The following EBF1 variants were observed in gnomAD, a reference collection of about 807,000 sequenced individuals.
EBF1 encodes the protein EBF transcription factor 1, also known as transcription factor COE1.
Under a neutral mutation model 68.4 loss-of-function variants are expected in EBF1, and 10 were observed. The observed-to-expected ratio is 0.15, with a 90% confidence interval of 0.09 to 0.25. EBF1 has a LOEUF of 0.25. Ranked by LOEUF, EBF1 falls within the 10% of genes least tolerant of loss-of-function variation. The pLI, the probability that EBF1 is intolerant of heterozygous loss-of-function variation, is 1.00. For synonymous variants in EBF1, 298 were observed against 299.8 expected (o/e 0.99, Z 0.06); for missense variants, 509 against 794.4 (o/e 0.64, Z 4.32).
Position 158,825,794 on chromosome 5 carries a change from T to TA in EBF1, c.637-2478dup, listed in dbSNP as rs1785972647. 2.0e-5 allele frequency among the ~76,000 whole-genome samples: 3 copies of TA among 152,180 alleles called. No homozygotes were observed. In the South Asian group the frequency reaches 6.2e-4, roughly 32 times the overall value. ...TAATTTCTAGAAAATAAGCAGCTAATACGTTCCTCAAAAACTCACAGCACA... is the reference window on the plus strand; with the variant it reads ...TAATTTCTAGAAAATAAGCAGCTAATAACGTTCCTCAAAAACTCACAGCACA... On this transcript the variant is annotated intron_variant, in intron 7 of 15. Coordinates refer to ENST00000313708, the MANE Select transcript of EBF1 (RefSeq NM_024007.5).
chr5:158,796,663 G>A (rs542066275), intron 8 of EBF1, among the ~76,000 whole-genome samples, 188 bp from the exon 9 acceptor site: 1 of 152,224 alleles, frequency 6.6e-6, no homozygotes, highest in African/African-American at 2.4e-5. Flanking sequence ...GTTTTTAAAA[G>A]CATTCTTTTC....
intron 6 of EBF1, among the ~76,000 whole-genome samples, chr5:158,859,844 C>T (rs539739271): frequency 2.0e-5 from 3 of 152,308 alleles, no homozygotes; most frequent in Non-Finnish European, 4.4e-5. Context: ...GATATCTCAT[C>T]GGTCACTTAT....
rs558125637 is a variant in EBF1, at chr5:159,095,564, A to C, written c.411+56T>G. 25 of 1,601,342 alleles carry C rather than the reference A, an allele frequency of 1.6e-5. No homozygotes were observed. In the South Asian group the frequency reaches 2.4e-4, roughly 16 times the overall value. On this transcript the variant is annotated intron_variant, in intron 4 of 15. Transcript: ENST00000313708. ...CTGCGGTGGAGCAACTAGCTTCTTG[A>C]CTGCCCTGAATTTTGTGACATAGAG...
chr5:158,975,761 G>T (rs1756609005), intron 6 of EBF1, among the ~76,000 whole-genome samples: 1 of 152,134 alleles, frequency 6.6e-6, no homozygotes. Context: ...AGCTGGAAGG[G>T]GCTCACATTG....
intron 6 of EBF1, among the ~76,000 whole-genome samples, chr5:158,859,836 T>C (rs568193993): frequency 6.6e-6 from 1 of 152,342 alleles, no homozygotes; most frequent in East Asian, 1.9e-4. Flanking sequence ...CTTTTGTTGA[T>C]ATCTCATCGG....
At chr5:158,747,878 C>G (rs1402721825) in intron 10 of EBF1, among the ~76,000 whole-genome samples, 3 of 152,132 alleles carry the variant, frequency 2.0e-5, no homozygotes, top group African/African-American at 7.2e-5. Flanking sequence ...GAGAAAGACC[C>G]TTAGGACGAT....
At chr5:158,760,395 T>C (rs1771150778) in intron 10 of EBF1, among the ~76,000 whole-genome samples, 1 of 152,094 alleles carries the variant, frequency 6.6e-6, no homozygotes, top group Admixed American at 6.6e-5. Context: ...ACCCATTATA[T>C]AAGATGAAGA....
chr5:158,790,152 A>C (rs1483056901), intron 9 of EBF1, among the ~76,000 whole-genome samples: 2 of 152,184 alleles, frequency 1.3e-5, no homozygotes, highest in African/African-American at 4.8e-5. Context: ...ATTGCTTCAC[A>C]CACGAGGAAA....
intron 6 of EBF1, among the ~76,000 whole-genome samples, chr5:158,947,969 G>T (rs1167131740): frequency 6.6e-6 from 1 of 152,144 alleles, no homozygotes; most frequent in Non-Finnish European, 1.5e-5. Flanking sequence ...CTCCAGCACT[G>T]CAACAGAAAA....
intron 10 of EBF1, among the ~76,000 whole-genome samples, chr5:158,755,945 G>T (rs1769980990): frequency 6.6e-6 from 1 of 152,144 alleles, no homozygotes; most frequent in Non-Finnish European, 1.5e-5. Context: ...TTGAAAAAAA[G>T]AAAGTGTGAA....
intron 4 of EBF1, among the ~76,000 whole-genome samples, chr5:159,089,803 AGAAAGAAAGAAG>A (rs1037090348): frequency 1.3e-5 from 2 of 151,916 alleles, no homozygotes; most frequent in Non-Finnish European, 2.9e-5. Flanking sequence ...AAAAGAAGAA[AGAAAGAAAGAAG>A]GAAAGAAAGA....
At chr5:158,890,444 G>A (rs896352848) in intron 6 of EBF1, among the ~76,000 whole-genome samples, 1 of 152,024 alleles carries the variant, frequency 6.6e-6, no homozygotes, top group South Asian at 2.1e-4. Context: ...ACTTCTCAAC[G>A]AGCTCCATTA....
intron 6 of EBF1, among the ~76,000 whole-genome samples, chr5:158,918,781 C>T (rs1268445219): frequency 6.6e-6 from 1 of 152,196 alleles, no homozygotes; most frequent in Non-Finnish European, 1.5e-5. Flanking sequence ...GAGCAGCATC[C>T]TGTGTGCTGG....
At chr5:158,875,808 A>C (rs978667776) in intron 6 of EBF1, among the ~76,000 whole-genome samples, 3 of 152,250 alleles carry the variant, frequency 2.0e-5, no homozygotes, top group African/African-American at 7.2e-5. Flanking sequence ...ATATACCCAG[A>C]TGATATCCAT....
At chr5:158,727,018 C>T (rs1385340535) in intron 11 of EBF1, among the ~76,000 whole-genome samples, 1 of 152,228 alleles carries the variant, frequency 6.6e-6, no homozygotes, top group African/African-American at 2.4e-5. Flanking sequence ...CACCTGACAA[C>T]AATGCCGTGA....
intron 6 of EBF1, among the ~76,000 whole-genome samples, chr5:158,939,754 C>CG (rs1812836186): frequency 3.2e-5 from 1 of 31,238 alleles, no homozygotes; most frequent in African/African-American, 1.6e-4. Context: ...GCTTTCCGGG[C>CG]GGGGGTGGGG....
intron 8 of EBF1, among the ~76,000 whole-genome samples, chr5:158,817,826 T>C (rs1012301141): frequency 3.3e-5 from 5 of 152,214 alleles, no homozygotes; most frequent in Non-Finnish European, 7.3e-5. Context: ...TGCATTATCC[T>C]ACTGCACCTA....
At chr5:159,024,718 A>G (rs569561796) in intron 6 of EBF1, among the ~76,000 whole-genome samples, 1 of 152,372 alleles carries the variant, frequency 6.6e-6, no homozygotes, top group Non-Finnish European at 1.5e-5. Context: ...TCCTTCTTTA[A>G]AAAATAAATA....
At chr5:159,035,075 T>A (rs1769755728) in intron 6 of EBF1, among the ~76,000 whole-genome samples, 1 of 152,010 alleles carries the variant, frequency 6.6e-6, no homozygotes, top group Admixed American at 6.6e-5. Flanking sequence ...TGTGGCCTAA[T>A]TACATTATTG....
Sources: allele counts gnomAD v4.1 joint callset (sites outside exome capture counted in the v4.1 genomes callset), GRCh38; gene constraint gnomAD v4.1.1; transcripts MANE v1.5; gene names NCBI Gene and HGNC (gene_info 2026-07-23, HGNC 2026-07-21).